ANKFN1: variants seen among roughly 807,000 people sequenced by gnomAD.
ANKFN1 encodes the protein ankyrin repeat and fibronectin type-III domain-containing protein 1.
In ANKFN1, 74 loss-of-function variants were observed where a neutral mutation model predicts 108.7. The observed-to-expected ratio is 0.68, with a 90% CI of 0.56 to 0.83. The LOEUF is 0.83. ANKFN1 is among the 40% of genes least tolerant of loss of function. The probability of loss-of-function intolerance (pLI) is 0.00; values close to 1 mark genes in which losing one functional copy is unlikely to be tolerated. For synonymous variants in ANKFN1, 547 were observed against 516.2 expected (o/e 1.06, Z -0.81); for missense variants, 1,505 against 1,382.3 (o/e 1.09, Z -1.41).
intron 4 of ANKFN1, among the ~76,000 whole-genome samples, chr17:56,081,417 A>G (rs1696888815): frequency 6.6e-6 from 1 of 151,962 alleles, no homozygotes; most frequent in South Asian, 2.1e-4. Context: ...CAGTGGTGTG[A>G]TCTCAGCTCA....
intron 8 of ANKFN1, among the ~76,000 whole-genome samples, chr17:56,391,212 C>CATATATATATATATATATAT (rs202114506): frequency 4.9e-5 from 6 of 121,402 alleles, no homozygotes; most frequent in African/African-American, 2.4e-4. Context: ...CCCAAGAATA[C>CATATATATATATATATATAT]ATATATATAT....
intron 4 of ANKFN1, among the ~76,000 whole-genome samples, chr17:56,116,931 G>T (rs951922821): frequency 6.6e-6 from 1 of 152,056 alleles, no homozygotes; most frequent in Non-Finnish European, 1.5e-5. Flanking sequence ...GTTTTGATCT[G>T]GGAGTTAGTA....
chr17:56,351,421 G>C (rs985277066), intron 5 of ANKFN1, among the ~76,000 whole-genome samples: 1 of 148,754 alleles, frequency 6.7e-6, no homozygotes, highest in African/African-American at 2.5e-5. Flanking sequence ...AGAGAGAGGA[G>C]GAAGGAAGGA....
intron 8 of ANKFN1, among the ~76,000 whole-genome samples, chr17:56,423,098 A>G (rs186472403): frequency 3.9e-5 from 6 of 152,356 alleles, no homozygotes; most frequent in Non-Finnish European, 5.9e-5. Context: ...GTTTAAAAAA[A>G]GTGTAGATAT....
At chr17:56,410,307 G>C (rs1225733657) in intron 8 of ANKFN1, among the ~76,000 whole-genome samples, 1 of 152,148 alleles carries the variant, frequency 6.6e-6, no homozygotes, top group Non-Finnish European at 1.5e-5. Context: ...ATATTGGCCA[G>C]GATGGTCTCG....
intron 4 of ANKFN1, among the ~76,000 whole-genome samples, chr17:56,128,141 G>A (rs1907045531): frequency 6.6e-6 from 1 of 151,872 alleles, no homozygotes; most frequent in South Asian, 2.1e-4. Flanking sequence ...TACATCGACA[G>A]GTTAAAAAAA....
rs1459515203 is a variant in ANKFN1, at chr17:56,511,015, G to C, written c.3187G>C (p.Gly1063Arg). The C allele has an allele frequency of 7.8e-6, 12 of 1,535,888 alleles. No individual in the cohort carries two copies. The highest frequency in any genetic ancestry group is 9.6e-6 in the Non-Finnish European group (11 of 1,146,894). Reference sequence around the variant, plus strand: ...CGGCCCTGCCCTTGATGATCCCAGGGGCCTAACTCTGGCCCACGCTGCCAG... The same window carrying C: ...CGGCCCTGCCCTTGATGATCCCAGGCGCCTAACTCTGGCCCACGCTGCCAG... ...RAGPALDDPR[G>R]LTLAHAASLP... The change falls in exon 21 of 21, where the codon GGC becomes CGC. Residue 1063 changes from glycine (G) to arginine (R), a missense_variant. Transcript: ENST00000682825.
intron 1 of ANKFN1, among the ~76,000 whole-genome samples, chr17:56,206,773 C>T (rs959541169): frequency 7.2e-5 from 11 of 152,174 alleles, no homozygotes; most frequent in African/African-American, 2.4e-4. Context: ...GGGATGGGCC[C>T]ATGCATCCTG....
At chr17:56,081,919 C>T (rs1432044349) in intron 4 of ANKFN1, among the ~76,000 whole-genome samples, 2 of 152,178 alleles carry the variant, frequency 1.3e-5, no homozygotes, top group African/African-American at 4.8e-5. Context: ...CGTGTGTGAG[C>T]CCACGCACCG....
intron 4 of ANKFN1, among the ~76,000 whole-genome samples, chr17:56,061,273 T>TC (rs1904971888): frequency 7.5e-6 from 1 of 132,688 alleles, no homozygotes; most frequent in Non-Finnish European, 1.6e-5. Context: ...TTCTTTTTTT[T>TC]TTTTTTTTTT....
chr17:56,049,151 G>T (rs1478621230), intron 4 of ANKFN1, among the ~76,000 whole-genome samples: 1 of 152,128 alleles, frequency 6.6e-6, no homozygotes, highest in African/African-American at 2.4e-5. Context: ...CTCCTCCTTT[G>T]TGTCTTATCC....
intron 2 of ANKFN1, among the ~76,000 whole-genome samples, chr17:56,216,204 C>T (rs193052850): frequency 1.4e-3 from 218 of 152,330 alleles, no homozygotes; most frequent in Non-Finnish European, 2.2e-3. Context: ...TATGTAAACA[C>T]TGCTCATTGA....
In ANKFN1 at chr17:56,511,145, C is replaced by T; in HGVS notation, c.3317C>T (p.Pro1106Leu). The T allele has an allele frequency of 1.3e-6, 2 of 1,536,058 alleles. No individual in the cohort carries two copies. The highest frequency in any genetic ancestry group is 1.7e-6 in the Non-Finnish European group (2 of 1,146,876). The change falls in exon 21 of 21, where the codon CCA (proline) becomes CTA (leucine). Residue 1106 changes from proline to leucine, a missense_variant. Physicochemically the swap from Pro to Leu is moderately conservative, Grantham distance 98 (BLOSUM62 -3). Transcript: ENST00000682825. ...GCCGTGGTGGCCCAGGACGAAAAAC[C>T]ATGGGCAAGCTTGAGCCCGCCCTCT... ...AAAVVAQDEK[P>L]WASLSPPSGG...
chr17:56,238,368 A>C (rs941725931), intron 3 of ANKFN1, among the ~76,000 whole-genome samples: 2 of 152,102 alleles, frequency 1.3e-5, no homozygotes, highest in African/African-American at 4.8e-5. Flanking sequence ...AAATACTGTC[A>C]GTGGAGTGTT....
chr17:56,326,100 C>G, intron 3 of ANKFN1, 121 bp from the exon 4 acceptor site: 1 of 1,371,434 alleles, frequency 7.3e-7, no homozygotes, highest in Non-Finnish European at 9.8e-7. Flanking sequence ...AAGCTGTTTA[C>G]TTCTCCCTTT....
chr17:56,317,515 A>T (rs2045242671), intron 3 of ANKFN1, among the ~76,000 whole-genome samples: 1 of 152,150 alleles, frequency 6.6e-6, no homozygotes, highest in Non-Finnish European at 1.5e-5. Context: ...TGTCATGGTC[A>T]TTTTTTTAAA....
intron 3 of ANKFN1, among the ~76,000 whole-genome samples, chr17:56,254,528 A>G (rs988833505): frequency 6.6e-6 from 1 of 152,202 alleles, no homozygotes; most frequent in Non-Finnish European, 1.5e-5. Flanking sequence ...TTCTAGCTCC[A>G]TATCTGCTTT....
intron 4 of ANKFN1, among the ~76,000 whole-genome samples, chr17:56,079,115 G>A (rs942840659): frequency 6.6e-6 from 1 of 152,186 alleles, no homozygotes; most frequent in Non-Finnish European, 1.5e-5. Context: ...AAGTCTATCT[G>A]TGGAAAAGGA....
intron 3 of ANKFN1, among the ~76,000 whole-genome samples, chr17:56,259,546 G>T (rs76468683): frequency 6.6e-6 from 1 of 152,022 alleles, no homozygotes; most frequent in South Asian, 2.1e-4. Flanking sequence ...AAAATGAAAA[G>T]GTTGGGGTAG....
Sources: gnomAD v4.1 joint callset for allele counts (sites outside exome capture counted in the v4.1 genomes callset) on GRCh38, gnomAD v4.1.1 for gene constraint, MANE v1.5 for transcripts, NCBI Gene and HGNC (gene_info 2026-07-23, HGNC 2026-07-21) for gene names.